Variants in DSCAM observed in about 807,000 individuals in gnomAD.
DSCAM encodes the protein cell adhesion molecule DSCAM.
Under a neutral mutation model 217.7 loss-of-function variants are expected in DSCAM, and 47 were observed. The ratio of observed to expected loss-of-function variants is 0.22; its 90% CI spans 0.17 to 0.28. DSCAM has a LOEUF of 0.28. Ranked by LOEUF, DSCAM falls within the 10% of genes least tolerant of loss-of-function variation. The probability of loss-of-function intolerance (pLI) is 1.00; values close to 1 mark genes in which losing one functional copy is unlikely to be tolerated. For missense variants in DSCAM, 2,080 were observed against 2,618.3 expected (o/e 0.79, Z 4.49); for synonymous variants, 1,056 against 1,015.3 (o/e 1.04, Z -0.76).
At chr21:40,196,306 G>T (rs1261861927) in intron 11 of DSCAM, among the ~76,000 whole-genome samples, 1 of 152,188 alleles carries the variant, frequency 6.6e-6, no homozygotes, top group Non-Finnish European at 1.5e-5. Flanking sequence ...TGGCCGTCCT[G>T]GGTTTTGGCT....
At chr21:40,249,521 T>A (rs961253165) in intron 11 of DSCAM, among the ~76,000 whole-genome samples, 2 of 152,198 alleles carry the variant, frequency 1.3e-5, no homozygotes, top group Non-Finnish European at 2.9e-5. Context: ...CTCGGGTATG[T>A]CTTTATTAGC....
chr21:40,354,211 T>C (rs1601579858), intron 4 of DSCAM, among the ~76,000 whole-genome samples: 1 of 152,140 alleles, frequency 6.6e-6, no homozygotes, highest in African/African-American at 2.4e-5. Context: ...AACAGAAGAA[T>C]TGAAATAATT....
chr21:40,246,789 A>G (rs1180684332), intron 11 of DSCAM, among the ~76,000 whole-genome samples: 1 of 152,182 alleles, frequency 6.6e-6, no homozygotes, highest in Non-Finnish European at 1.5e-5. Context: ...TTCAATGTGG[A>G]GACTGAGAGA....
chr21:40,460,465 C>T (rs2075797615), intron 3 of DSCAM, among the ~76,000 whole-genome samples: 1 of 152,010 alleles, frequency 6.6e-6, no homozygotes, highest in African/African-American at 2.4e-5. Context: ...ATTATGATTC[C>T]ATAAACAACT....
At chr21:40,352,975 G>A (rs541514111) in intron 5 of DSCAM, among the ~76,000 whole-genome samples, 1 of 152,252 alleles carries the variant, frequency 6.6e-6, no homozygotes, top group African/African-American at 2.4e-5. Flanking sequence ...CTAATATTTG[G>A]GTATGTTTGA....
At chr21:40,339,561 T>G in intron 6 of DSCAM, 146 bp from the exon 7 acceptor site, 1 of 789,362 alleles carries the variant, frequency 1.3e-6, no homozygotes, top group Non-Finnish European at 2.0e-6. Flanking sequence ...AGCAAAACGT[T>G]AATCAGAACA....
chr21:40,628,729 C>G (rs2089639165), intron 3 of DSCAM, among the ~76,000 whole-genome samples: 2 of 82,254 alleles, frequency 2.4e-5, no homozygotes, highest in South Asian at 7.1e-4. Context: ...ATCTATCTAT[C>G]TATCTATCTA....
At chr21:40,628,028 C>A (rs970409781) in intron 3 of DSCAM, among the ~76,000 whole-genome samples, 1 of 152,160 alleles carries the variant, frequency 6.6e-6, no homozygotes, top group Non-Finnish European at 1.5e-5. Flanking sequence ...ACTTTGTATA[C>A]CACCTTGTTG....
chr21:40,482,432 G>T lies in DSCAM; in HGVS notation c.509-113187C>A, dbSNP rs150541616. 4.6e-5 allele frequency among the ~76,000 whole-genome samples: 7 copies of T among 152,198 alleles called. No individual in the cohort carries two copies. The East Asian group carries it at 1.4e-3, about 29-fold the overall frequency. ...TATTTCACACTGTTCTTTGCTCTCT[G>T]CCCCTTCTAGACTCAACTTTTTTAT... On this transcript the variant is annotated intron_variant, in intron 3 of 32. Transcript: ENST00000400454.
At chr21:40,314,317 A>T (rs1601542775) in intron 8 of DSCAM, among the ~76,000 whole-genome samples, 1 of 152,258 alleles carries the variant, frequency 6.6e-6, no homozygotes, top group South Asian at 2.1e-4. Context: ...AGGGAAATTA[A>T]TTTTTTTAAA....
chr21:40,174,927 A>C (rs527863196), intron 15 of DSCAM, among the ~76,000 whole-genome samples: 2 of 152,084 alleles, frequency 1.3e-5, no homozygotes, highest in South Asian at 4.1e-4. Flanking sequence ...CAGCCATTTC[A>C]TGGGTGGTCA....
intron 16 of DSCAM, among the ~76,000 whole-genome samples, chr21:40,166,014 C>T (rs2090591200): frequency 6.6e-6 from 1 of 152,206 alleles, no homozygotes; most frequent in Non-Finnish European, 1.5e-5. Flanking sequence ...GCTGGAAACA[C>T]AACTCATTGG....
chr21:40,066,550 T>C (rs551009628), intron 27 of DSCAM, among the ~76,000 whole-genome samples: 1 of 152,238 alleles, frequency 6.6e-6, no homozygotes, highest in East Asian at 1.9e-4. Flanking sequence ...TAATTCTTGA[T>C]CTTCTAGCAC....
chr21:40,214,579 G>A lies in DSCAM; in HGVS notation c.2357-25341C>T, dbSNP rs183027997. Among the ~76,000 whole-genome samples, 207 of 152,126 alleles carry A rather than the reference G, an allele frequency of 1.4e-3. 1 individual carries two copies. The highest frequency in any genetic ancestry group is 4.7e-3 in the African/African-American group (197 of 41,504). On this transcript the variant is annotated intron_variant, in intron 11 of 32. Coordinates refer to ENST00000400454, the MANE Select transcript of DSCAM (RefSeq NM_001389.5). Reference sequence around the variant, plus strand: ...GCTTTGAAAGAAGCTGTGAGTAGCAGCCTACACCGCTGTCTTTGGGAAACA... The same window carrying A: ...GCTTTGAAAGAAGCTGTGAGTAGCAACCTACACCGCTGTCTTTGGGAAACA...
rs1387935211 is a variant in DSCAM at position 40,651,456 on chromosome 21, G to A, written c.508+41354C>T. Among the ~76,000 whole-genome samples, 6 of 152,198 alleles carry A rather than the reference G, an allele frequency of 3.9e-5. No individual in the cohort carries two copies. In the South Asian group the frequency reaches 8.3e-4, roughly 21 times the overall value. ...TATGAACTGCTCCAAGGATTGGGAA[G>A]TCTTCATTCTCATTTGCAAACCGTA... On this transcript the variant is annotated intron_variant, in intron 3 of 32. Coordinates refer to ENST00000400454, the MANE Select transcript of DSCAM (RefSeq NM_001389.5).
intron 11 of DSCAM, among the ~76,000 whole-genome samples, chr21:40,206,726 T>C (rs1158246036): frequency 6.8e-6 from 1 of 146,864 alleles, no homozygotes; most frequent in Non-Finnish European, 1.5e-5. Flanking sequence ...CTGGGCAACA[T>C]AGCAAGACCC....
chr21:40,570,557 CAG>C (rs1374596779), intron 3 of DSCAM, among the ~76,000 whole-genome samples: 1 of 152,180 alleles, frequency 6.6e-6, no homozygotes, highest in African/African-American at 2.4e-5. Flanking sequence ...AACTCATTAA[CAG>C]AAACAAATAT....
At chr21:40,632,038 G>A (rs996439465) in intron 3 of DSCAM, among the ~76,000 whole-genome samples, 15 of 152,164 alleles carry the variant, frequency 9.9e-5, no homozygotes, top group African/African-American at 2.9e-4. Context: ...TGAACAGCAC[G>A]CGTCCACGCA....
chr21:40,571,954 C>T (rs1371492023), intron 3 of DSCAM, among the ~76,000 whole-genome samples: 1 of 152,154 alleles, frequency 6.6e-6, no homozygotes, highest in African/African-American at 2.4e-5. Flanking sequence ...GAGAATTGCA[C>T]ATTTCATTAG....
Sources: gnomAD v4.1 joint callset for allele counts (sites outside exome capture counted in the v4.1 genomes callset) on GRCh38, gnomAD v4.1.1 for gene constraint, MANE v1.5 for transcripts, NCBI Gene and HGNC (gene_info 2026-07-23, HGNC 2026-07-21) for gene names.